FARS2: variants seen among roughly 807,000 people sequenced by gnomAD.
FARS2 encodes the protein phenylalanyl-tRNA synthetase 2, mitochondrial.
FARS2 carries 40 observed loss-of-function variants against 46.4 expected under a neutral mutation model. The observed-to-expected ratio is 0.86, with a 90% CI of 0.67 to 1.12. The LOEUF is 1.12. Ranked by LOEUF, FARS2 falls within the 50% of genes most tolerant of loss-of-function variation. The probability of loss-of-function intolerance (pLI) is 0.00; values close to 1 mark genes in which losing one functional copy is unlikely to be tolerated. For missense variants in FARS2, 513 were observed against 567.9 expected, an observed-to-expected ratio of 0.90 and a Z score of 0.98; for synonymous variants, 234 against 214.9, an observed-to-expected ratio of 1.09 and a Z score of -0.78.
At chr6:5,550,992 T>G (rs1771338909) in intron 5 of FARS2, among the ~76,000 whole-genome samples, 1 of 152,212 alleles carries the variant, frequency 6.6e-6, no homozygotes, top group Non-Finnish European at 1.5e-5. Flanking sequence ...AGCACTTTTC[T>G]TTCAGCAAAA....
intron 1 of FARS2, among the ~76,000 whole-genome samples, chr6:5,336,907 G>A (rs1316704700): frequency 1.3e-5 from 2 of 151,750 alleles, no homozygotes; most frequent in Admixed American, 1.3e-4. Context: ...TCTTTCATTT[G>A]GTTTTGTTTA....
rs559241124 is a variant in FARS2 at position 5,580,164 on chromosome 6, C to T, written c.1066-33005C>T. Among the ~76,000 whole-genome samples the T allele has an allele frequency of 2.7e-3, 403 of 151,288 alleles. 3 individuals are homozygous for T. In the Middle Eastern group the frequency reaches 0.031, roughly 11 times the overall value. ...AATTAGCCGGGCGTGGTGGTGCGCA[C>T]CTGTAATCCCAGCTACTCAGGAGGC... On this transcript the variant is annotated intron_variant, in intron 5 of 6. Coordinates refer to ENST00000274680, the MANE Select transcript of FARS2 (RefSeq NM_006567.5).
intron 4 of FARS2, among the ~76,000 whole-genome samples, chr6:5,477,008 GAAGAA>G: frequency 6.6e-6 from 1 of 152,156 alleles, no homozygotes; most frequent in Non-Finnish European, 1.5e-5. Flanking sequence ...TTTATAATCA[GAAGAA>G]AATATCCCTC....
At chr6:5,390,459 T>C (rs1412652247) in intron 2 of FARS2, among the ~76,000 whole-genome samples, 1 of 152,254 alleles carries the variant, frequency 6.6e-6, no homozygotes, top group Non-Finnish European at 1.5e-5. Flanking sequence ...GCTCAAGTTC[T>C]ACTGTTACTT....
chr6:5,392,816 T>A (rs1760624791), intron 2 of FARS2, among the ~76,000 whole-genome samples: 1 of 140,290 alleles, frequency 7.1e-6, no homozygotes, highest in Non-Finnish European at 1.6e-5. Context: ...GTGTATATAT[T>A]ATATATGTAT....
At chr6:5,447,529 A>G (rs1764249993) in intron 4 of FARS2, among the ~76,000 whole-genome samples, 1 of 152,158 alleles carries the variant, frequency 6.6e-6, no homozygotes, top group African/African-American at 2.4e-5. Context: ...TGGTGGAGAC[A>G]TTTTTAAAGA....
At chr6:5,741,135 G>C (rs1761310150) in intron 6 of FARS2, among the ~76,000 whole-genome samples, 1 of 152,170 alleles carries the variant, frequency 6.6e-6, no homozygotes, top group Non-Finnish European at 1.5e-5. Context: ...AGCATCCTGA[G>C]AGTTGGTGAA....
intron 6 of FARS2, among the ~76,000 whole-genome samples, chr6:5,634,230 C>G (rs958189070): frequency 1.3e-5 from 2 of 152,154 alleles, no homozygotes; most frequent in Non-Finnish European, 2.9e-5. Flanking sequence ...TTTCCTGATA[C>G]AATTTATAGG....
At chr6:5,768,622 A>G (rs948389442) in intron 6 of FARS2, among the ~76,000 whole-genome samples, 2 of 152,220 alleles carry the variant, frequency 1.3e-5, no homozygotes, top group Non-Finnish European at 2.9e-5. Context: ...TGATTTCTCC[A>G]TATCTTCTCC....
At chr6:5,613,142 G>T (rs1218970342) in intron 5 of FARS2, 27 bp from the exon 6 acceptor site, 1 of 1,596,192 alleles carries the variant, frequency 6.3e-7, no homozygotes, top group Non-Finnish European at 8.5e-7. Context: ...ACAAGTTCAT[G>T]TATCTTTTCT....
chr6:5,447,307 C>A (rs112833800), intron 4 of FARS2, among the ~76,000 whole-genome samples: 2,493 of 152,214 alleles, frequency 0.016, 70 homozygotes, highest in African/African-American at 0.057. Flanking sequence ...AGGGGACCAC[C>A]TTCTTGGCAT....
intron 1 of FARS2, among the ~76,000 whole-genome samples, chr6:5,332,908 A>G (rs1212737545): frequency 6.6e-6 from 1 of 152,202 alleles, no homozygotes; most frequent in Non-Finnish European, 1.5e-5. Context: ...TGGATACTGA[A>G]CATTGGTTTT....
chr6:5,285,693 T>C (rs910618227), intron 1 of FARS2, among the ~76,000 whole-genome samples: 8 of 152,180 alleles, frequency 5.3e-5, no homozygotes, highest in African/African-American at 1.9e-4. Flanking sequence ...GGCGTTCATA[T>C]CTCTTGAAAT....
intron 5 of FARS2, among the ~76,000 whole-genome samples, chr6:5,563,642 C>T (rs1449061531): frequency 3.3e-5 from 5 of 152,072 alleles, no homozygotes; most frequent in South Asian, 4.2e-4. Context: ...CTCCTGGGGT[C>T]GATCTAAGGA....
At chr6:5,367,791 G>A (rs1440208392) in intron 1 of FARS2, among the ~76,000 whole-genome samples, 3 of 152,098 alleles carry the variant, frequency 2.0e-5, no homozygotes, top group Non-Finnish European at 4.4e-5. Context: ...ATGCCACAAA[G>A]GTATTAAGTT....
At chr6:5,768,926 C>A (rs1257054881) in intron 6 of FARS2, among the ~76,000 whole-genome samples, 1 of 151,890 alleles carries the variant, frequency 6.6e-6, no homozygotes, top group Non-Finnish European at 1.5e-5. Flanking sequence ...TCTGTGTGTT[C>A]CTTTTTGACT....
intron 6 of FARS2, among the ~76,000 whole-genome samples, chr6:5,625,491 G>A (rs943376097): frequency 3.9e-5 from 6 of 152,360 alleles, no homozygotes; most frequent in African/African-American, 1.4e-4. Context: ...CATAGACAGG[G>A]ATGAGGTCAG....
intron 6 of FARS2, among the ~76,000 whole-genome samples, chr6:5,697,632 CAACA>C (rs1364375260): frequency 2.6e-5 from 4 of 152,168 alleles, no homozygotes; most frequent in African/African-American, 9.7e-5. Context: ...GTATGGCTTT[CAACA>C]AACAAAGGCA....
At chr6:5,757,711 A>AT (rs1179371933) in intron 6 of FARS2, among the ~76,000 whole-genome samples, 1 of 152,116 alleles carries the variant, frequency 6.6e-6, no homozygotes, top group Non-Finnish European at 1.5e-5. Flanking sequence ...GTCACCTAAT[A>AT]TTTGGGTGCA....
Sources: gnomAD v4.1 joint callset for allele counts (sites outside exome capture counted in the v4.1 genomes callset) on GRCh38, gnomAD v4.1.1 for gene constraint, MANE v1.5 for transcripts, NCBI Gene and HGNC (gene_info 2026-07-23, HGNC 2026-07-21) for gene names.